CSF2RA: variants seen among roughly 807,000 people sequenced by gnomAD.
CSF2RA encodes the protein granulocyte-macrophage colony-stimulating factor receptor subunit alpha.
A neutral mutation model predicts 51.6 loss-of-function variants in CSF2RA; 42 were observed. The ratio of observed to expected loss-of-function variants is 0.81; its 90% confidence interval spans 0.64 to 1.05. The LOEUF (loss-of-function observed/expected upper bound fraction) is 1.05. CSF2RA is among the 50% of genes least tolerant of loss of function. The pLI, the probability that CSF2RA is intolerant of heterozygous loss-of-function variation, is 0.00. For missense variants in CSF2RA, 530 were observed against 501.1 expected, an observed-to-expected ratio of 1.06 and a Z score of -0.55; for synonymous variants, 222 against 193.0, an observed-to-expected ratio of 1.15 and a Z score of -1.24.
intron 2 of CSF2RA, 93 bp downstream of exon 2, chrX:1,274,911 G>T (rs1460863373): frequency 2.2e-6 from 1 of 449,654 alleles, no homozygotes; most frequent in Non-Finnish European, 4.5e-6. Flanking sequence ...GCTCCATAAT[G>T]ATGAACCAGG....
chrX:1,293,913 T>A (rs761838076), intron 7 of CSF2RA: 3 of 169,086 alleles, frequency 1.8e-5, no homozygotes, highest in South Asian at 4.7e-5. Flanking sequence ...AGGAGAAGAC[T>A]CTGCCCCATC....
downstream of CSF2RA, among the ~76,000 whole-genome samples, chrX:1,314,090 T>A (rs1169851312): frequency 6.6e-6 from 1 of 152,144 alleles, no homozygotes; most frequent in African/African-American, 2.4e-5. Context: ...CTGAGGCCCC[T>A]GAAGGCTGTG....
intron 4 of CSF2RA, among the ~76,000 whole-genome samples, chrX:1,288,131 G>T (rs1163194791): frequency 6.6e-6 from 1 of 151,964 alleles, no homozygotes; most frequent in Non-Finnish European, 1.5e-5. Flanking sequence ...CTCGGAGGAA[G>T]CTTAGGGGGA....
chrX:1,290,862 AAAAC>A (rs1377783808), intron 7 of CSF2RA, among the ~76,000 whole-genome samples: 4 of 152,158 alleles, frequency 2.6e-5, no homozygotes, highest in African/African-American at 7.2e-5. Context: ...CTCTGTCTCA[AAAAC>A]AAACAAACAA....
In CSF2RA at chrX:1,309,625, G is replaced by A. The variant is rs200978306; in HGVS notation, c.*146G>A. The A allele has an allele frequency of 1.9e-5, 31 of 1,598,398 alleles. No homozygotes were observed. The highest frequency in any genetic ancestry group is 1.7e-4 in the Middle Eastern group (1 of 5,742). On this transcript the variant is annotated 3_prime_UTR_variant, in exon 13 of 13. Coordinates refer to ENST00000381529, the MANE Select transcript of CSF2RA (RefSeq NM_172245.4). The stretch of plus-strand genomic sequence containing the variant: ...TTTGGGGCCAGGCGCGGTGGCTCAC[G>A]CCTGTAATCCCAGCACTTTGGGAGG...
intron 10 of CSF2RA, among the ~76,000 whole-genome samples, chrX:1,302,448 G>T (rs1469659947): frequency 2.0e-5 from 3 of 152,124 alleles, no homozygotes; most frequent in African/African-American, 7.2e-5. Flanking sequence ...ATGATCAGAG[G>T]TGCATTCGTG....
At chrX:1,315,610 G>A in the CSF2RA span, among the ~76,000 whole-genome samples, 2 of 152,186 alleles carry the variant, frequency 1.3e-5, no homozygotes, top group Admixed American at 6.6e-5. Context: ...TCACCATGTT[G>A]GCCAGGCTGG....
At position 1,295,058 on chromosome X, in the gene CSF2RA, C is replaced by A. The variant is rs773432963; in HGVS notation, c.781-369C>A. Among the ~76,000 whole-genome samples, 1,278 of 148,984 alleles carry A rather than the reference C, an allele frequency of 8.6e-3. 9 individuals carry two copies. Among genetic ancestry groups the A allele is most frequent in the Non-Finnish European group, 0.014 (917 of 66,822 alleles). ...CAGTGTAGACAAGAAGAGACCCTGC[C>A]CCATGTCCACCTCGAGCCAGTGTAG... On this transcript the variant is annotated intron_variant, in intron 8 of 12. Transcript: ENST00000381529.
At chrX:1,269,653 AAAAGAGATG>A (rs2088111002) in intron 1 of CSF2RA, among the ~76,000 whole-genome samples, 1 of 38,174 alleles carries the variant, frequency 2.6e-5, no homozygotes, top group Non-Finnish European at 7.3e-5. Context: ...AAAAGAGATG[AAAAGAGATG>A]AACGCAGAGC....
At chrX:1,275,850 G>A (rs1192526615) in intron 2 of CSF2RA, among the ~76,000 whole-genome samples, 1 of 151,880 alleles carries the variant, frequency 6.6e-6, no homozygotes, top group African/African-American at 2.4e-5. Context: ...CCGCCACCAC[G>A]CCCGGCCAAT....
intron 9 of CSF2RA, 135 bp from the exon 10 acceptor site, chrX:1,300,356 A>T (rs28422107): frequency 1.8e-6 from 2 of 1,095,070 alleles, no homozygotes; most frequent in Non-Finnish European, 2.7e-6. Context: ...AAGTGCATTC[A>T]GAGTGGTAGA....
chrX:1,323,586 C>A, the CSF2RA span, among the ~76,000 whole-genome samples: 5 of 151,428 alleles, frequency 3.3e-5, no homozygotes, highest in Non-Finnish European at 5.9e-5. Context: ...GTGGGAAGAG[C>A]TTTAGAAGCT....
Position 1,305,746 on chromosome X carries a change from G to A in CSF2RA, c.1125+219G>A, listed in dbSNP as rs1354401821. ...GAGTCATCTCTGTGAGCTCCATCAG[G>A]AGAAACTGAGGCAGGGTGGTGGTCA... On this transcript the variant is annotated intron_variant, in intron 12 of 12. Coordinates refer to ENST00000381529, the MANE Select transcript of CSF2RA (RefSeq NM_172245.4). 3 of 1,551,930 alleles carry A rather than the reference G, an allele frequency of 1.9e-6. No homozygotes were observed. The Admixed American group carries it at 5.9e-5, about 30-fold the overall frequency.
the CSF2RA span, among the ~76,000 whole-genome samples, chrX:1,323,185 T>TAAA: frequency 8.9e-3 from 1,313 of 147,854 alleles, 10 homozygotes; most frequent in Middle Eastern, 0.015. Flanking sequence ...TAAAATAAAA[T>TAAA]ATAAAATGGT....
Position 1,309,526 on chromosome X carries a change from A to T in CSF2RA, c.*47A>T. On this transcript the variant is annotated 3_prime_UTR_variant, in exon 13 of 13. Transcript: ENST00000381529. ...GCATGGACATCTCCGCCTCCGCGAC[A>T]CGGGGGAACTGTTTTCTTGATGATG... 2 of 1,613,954 alleles carry T rather than the reference A, an allele frequency of 1.2e-6. No homozygotes were observed. The highest frequency in any genetic ancestry group is 2.2e-5 in the South Asian group (2 of 91,078).
Position 1,309,777 on chromosome X carries a change from A to C in CSF2RA, c.*298A>C. On this transcript the variant is annotated 3_prime_UTR_variant, in exon 13 of 13. Coordinates refer to ENST00000381529, the MANE Select transcript of CSF2RA (RefSeq NM_172245.4). ...GCGGCGGACGCCCATCATCCCAGCT[A>C]CTTGGGAGGCTGAGGCAGGAGAATT... 1 of 642,808 alleles carries C rather than the reference A, an allele frequency of 1.6e-6. No homozygotes were observed. The highest frequency in any genetic ancestry group is 2.8e-6 in the Non-Finnish European group (1 of 361,358). The allele number at this position is 642,808 out of a possible 1,614,324, so 39.8% of individuals were successfully genotyped here. A position where few individuals can be genotyped will look rare whatever the true frequency, so the allele number is the denominator to read the frequency against.
At chrX:1,274,627 G>A in intron 1 of CSF2RA, 128 bp from the exon 2 acceptor site, 1 of 306,952 alleles carries the variant, frequency 3.3e-6, no homozygotes, top group Non-Finnish European at 6.3e-6. Flanking sequence ...GCCCAGCCCT[G>A]GTATGTAATT....
chrX:1,315,778 GA>G, the CSF2RA span, among the ~76,000 whole-genome samples: 2 of 30,460 alleles, frequency 6.6e-5, no homozygotes, highest in African/African-American at 1.8e-4. Context: ...ATAATAGATA[GA>G]TAGATAGATA....
At chrX:1,274,372 G>A (rs1442893020) in intron 1 of CSF2RA, among the ~76,000 whole-genome samples, 9 of 151,450 alleles carry the variant, frequency 5.9e-5, no homozygotes, top group South Asian at 2.1e-4. Flanking sequence ...AGGCTGCAGT[G>A]CAATGGTGCA....
Sources: gnomAD v4.1 joint callset for allele counts (sites outside exome capture counted in the v4.1 genomes callset) on GRCh38, gnomAD v4.1.1 for gene constraint, MANE v1.5 for transcripts, NCBI Gene and HGNC (gene_info 2026-07-23, HGNC 2026-07-21) for gene names.